ZNF451: variants seen among roughly 807,000 people sequenced by gnomAD.
ZNF451 encodes E3 SUMO-protein ligase ZNF451.
Under a neutral mutation model 107.1 loss-of-function variants are expected in ZNF451, and 80 were observed. That is an observed-to-expected ratio of 0.75 (90% CI 0.62 to 0.90). The LOEUF is 0.90. Ranked by LOEUF, ZNF451 falls within the 40% of genes least tolerant of loss-of-function variation. The pLI, the probability that ZNF451 is intolerant of heterozygous loss-of-function variation, is 0.00. For missense variants in ZNF451, 1,107 were observed against 1,236.2 expected (o/e 0.90, Z 1.57); for synonymous variants, 362 against 406.5 (o/e 0.89, Z 1.32).
At position 57,147,582 on chromosome 6, in the gene ZNF451, A is replaced by G. The variant is rs1003997467; in HGVS notation, c.1497A>G (p.Lys499=). The change falls in exon 10 of 15, where the codon AAA becomes AAG. Residue 499 remains lysine (K), a synonymous_variant. Transcript: ENST00000370706. The part of the protein sequence containing the change: ...HVFSANTMGY[K]CVVCGKVCDD... ...TCTCAGCAAACACAATGGGTTATAAATGTGTGGTCTGTGGAAAGGTATGTG... is the reference window on the plus strand; with the variant it reads ...TCTCAGCAAACACAATGGGTTATAAGTGTGTGGTCTGTGGAAAGGTATGTG... 9 of 1,614,036 alleles carry G rather than the reference A, an allele frequency of 5.6e-6. No homozygotes were observed. The Admixed American group carries it at 1.0e-4, about 18-fold the overall frequency.
intron 3 of ZNF451, chr6:57,102,645 A>C (rs993068772): frequency 1.0e-6 from 1 of 985,616 alleles, no homozygotes; most frequent in African/African-American, 1.7e-5. Context: ...CCGTACTACT[A>C]TCAAGCTCTG....
chr6:57,122,342 A>C (rs1830679545), intron 3 of ZNF451, among the ~76,000 whole-genome samples: 4 of 152,220 alleles, frequency 2.6e-5, no homozygotes, highest in Admixed American at 2.6e-4. Context: ...TGAAGACCCT[A>C]AAAGCAAATA....
chr6:57,109,249 GTTTT>G, intron 3 of ZNF451: 1 of 984,504 alleles, frequency 1.0e-6, no homozygotes, highest in Non-Finnish European at 1.2e-6. Flanking sequence ...TATTGCTTGA[GTTTT>G]TTCTTTGTTC....
chr6:57,148,061 A>G lies in ZNF451; in HGVS notation c.1976A>G (p.His659Arg), dbSNP rs1562622476. ...TTGTACCGACATTGCCAAGATGAGC[A>G]TGACAATGAGATAAAGATTAAATAC... ...ETLYRHCQDE[H>R]DNEIKIKYFC... is the part of the protein sequence containing the mutation. Residue 659 changes from histidine to arginine, a missense_variant, in exon 10 of 15, where the codon CAT becomes CGT. Physicochemically the swap from His to Arg is conservative, Grantham distance 29. Coordinates refer to ENST00000370706, the MANE Select transcript of ZNF451 (RefSeq NM_001031623.3). The G allele has an allele frequency of 2.5e-6, 4 of 1,614,146 alleles. No individual in the cohort carries two copies. Among genetic ancestry groups the G allele is most frequent in the Non-Finnish European group, 3.4e-6 (4 of 1,179,986 alleles).
intron 3 of ZNF451, chr6:57,107,545 A>G: frequency 2.0e-6 from 2 of 984,154 alleles, no homozygotes; most frequent in Non-Finnish European, 2.4e-6. Context: ...GTTTATGGTC[A>G]TATGTATCTT....
At position 57,147,828 on chromosome 6, in the gene ZNF451, G is replaced by T; in HGVS notation, c.1743G>T (p.Leu581Phe). The T allele has an allele frequency of 6.2e-7, 1 of 1,614,076 alleles. No homozygotes were observed. Among genetic ancestry groups the T allele is most frequent in the Non-Finnish European group, 8.5e-7 (1 of 1,179,974 alleles). ...CATCCTCTACAACATTGGATAATTT[G>T]ACTGCTAACAAGCCTTCATCAGCTA... ...LPSSSTTLDNLTANKPSSAIT... is the reference protein window; with the variant it reads ...LPSSSTTLDNFTANKPSSAIT... The change falls in exon 10 of 15, where the codon TTG becomes TTT. Residue 581 changes from leucine to phenylalanine, a missense_variant. Coordinates refer to ENST00000370706, the MANE Select transcript of ZNF451 (RefSeq NM_001031623.3).
chr6:57,108,775 G>C (rs1384940258), intron 3 of ZNF451: 1 of 985,288 alleles, frequency 1.0e-6, no homozygotes, highest in Non-Finnish European at 1.2e-6. Flanking sequence ...ATCTACATTT[G>C]TATAGTCTGT....
intron 7 of ZNF451, among the ~76,000 whole-genome samples, chr6:57,138,293 C>T (rs1404304236): frequency 4.0e-5 from 6 of 150,408 alleles, no homozygotes; most frequent in Middle Eastern, 3.4e-3. Context: ...GACGGAGCCT[C>T]GCTGTCTTGT....
In ZNF451 at chr6:57,142,041, G is replaced by A; in HGVS notation, c.950G>A (p.Cys317Tyr). Residue 317 changes from cysteine (C) to tyrosine (Y), a missense_variant, in exon 9 of 15, where the codon TGT becomes TAT. This residue lies in a region of ZNF451 where 339 missense variants were observed against 372.8 expected (regional missense o/e 0.91). Transcript: ENST00000370706. The part of the protein sequence containing the change: ...LCKDVPFQVK[C>Y]VACHKTLRSH... ...AAAGATGTTCCCTTTCAAGTTAAGT[G>A]TGTGGCCTGCCACAAGACACTGCGT... 6.2e-7 allele frequency: 1 copy of A among 1,614,046 alleles called. No individual in the cohort carries two copies. The highest frequency in any genetic ancestry group is 8.5e-7 in the Non-Finnish European group (1 of 1,179,936).
chr6:57,119,024 T>C (rs1830505664), intron 3 of ZNF451, among the ~76,000 whole-genome samples: 1 of 152,180 alleles, frequency 6.6e-6, no homozygotes, highest in Non-Finnish European at 1.5e-5. Context: ...ACTGCAAAGG[T>C]GTAGCCTCAT....
rs1832145035 is a variant in ZNF451 at position 57,147,783 on chromosome 6, A to G, written c.1698A>G (p.Val566=). The change falls in exon 10 of 15, where the codon GTA becomes GTG. Residue 566 remains valine (V), a synonymous_variant. Transcript: ENST00000370706. ...GHRYFYEMDE[V]EGETLPSSST... Reference sequence around the variant, plus strand: ...GATATTTTTATGAGATGGATGAGGTAGAAGGTGAAACTTTGCCATCATCCT... The same window carrying G: ...GATATTTTTATGAGATGGATGAGGTGGAAGGTGAAACTTTGCCATCATCCT... 2 of 1,613,938 alleles carry G rather than the reference A, an allele frequency of 1.2e-6. No homozygotes were observed. Among genetic ancestry groups the G allele is most frequent in the African/African-American group, 1.3e-5 (1 of 75,074 alleles).
intron 13 of ZNF451, chr6:57,159,221 A>G: frequency 3.0e-6 from 3 of 985,404 alleles, no homozygotes; most frequent in Non-Finnish European, 3.6e-6. Context: ...CTTTTATGAT[A>G]TTAATATTTG....
chr6:57,128,597 TCATA>T, intron 4 of ZNF451, 128 bp from the exon 5 acceptor site: 1 of 623,198 alleles, frequency 1.6e-6, no homozygotes, highest in Non-Finnish European at 2.8e-6. Context: ...TATTTCTTTG[TCATA>T]CATTTCTAGA....
chr6:57,106,218 A>T (rs374146109), intron 3 of ZNF451: 1 of 985,310 alleles, frequency 1.0e-6, no homozygotes, highest in African/African-American at 1.7e-5. Context: ...ATTCTTGAAG[A>T]TATAACTAGT....
intron 3 of ZNF451, chr6:57,108,846 A>G: frequency 1.0e-6 from 1 of 985,164 alleles, no homozygotes; most frequent in Non-Finnish European, 1.2e-6. Flanking sequence ...TATTTTGCAG[A>G]AGAAGAACTG....
At chr6:57,151,222 A>C in intron 11 of ZNF451, 1 of 162,386 alleles carries the variant, frequency 6.2e-6, no homozygotes, top group Non-Finnish European at 1.3e-5. Flanking sequence ...AATACAAAAA[A>C]TTAGCTGGGC....
At chr6:57,112,898 T>C (rs1206590453) in intron 3 of ZNF451, among the ~76,000 whole-genome samples, 1 of 152,176 alleles carries the variant, frequency 6.6e-6, no homozygotes, top group East Asian at 1.9e-4. Flanking sequence ...CAAATATAAG[T>C]CATTTCTTTA....
intron 14 of ZNF451, 37 bp downstream of exon 14, chr6:57,161,189 G>GT (rs1427171486): frequency 8.1e-7 from 1 of 1,238,408 alleles, no homozygotes; most frequent in Non-Finnish European, 1.1e-6. Flanking sequence ...CTACTTGACT[G>GT]TATCTGTATT....
chr6:57,111,646 G>T lies in ZNF451; in HGVS notation c.186+12505G>T, dbSNP rs188299810. On this transcript the variant is annotated intron_variant, in intron 3 of 14. Coordinates refer to ENST00000370706, the MANE Select transcript of ZNF451 (RefSeq NM_001031623.3). ...TCCACCTGCCTCGGCCTCCCAAAGT[G>T]CTGGGATTGTGGTTGTGAGCCACCA... Among the ~76,000 whole-genome samples, 458 of 152,270 alleles carry T rather than the reference G, an allele frequency of 3.0e-3. 4 individuals carry two copies. The highest frequency in any genetic ancestry group is 4.6e-3 in the Non-Finnish European group (316 of 68,024).
Sources: allele counts gnomAD v4.1 joint callset (sites outside exome capture counted in the v4.1 genomes callset), GRCh38; gene constraint gnomAD v4.1.1; regional missense constraint gnomAD v4.1.1; transcripts MANE v1.5; gene names NCBI Gene and HGNC (gene_info 2026-07-23, HGNC 2026-07-21).